The following DOT1L variants were observed in gnomAD, a reference collection of about 807,000 sequenced individuals.
The protein encoded by DOT1L is DOT1 like histone lysine methyltransferase, also known as histone-lysine N-methyltransferase, H3 lysine-79 specific.
DOT1L carries 33 observed loss-of-function variants against 153.3 expected under a neutral mutation model. The ratio of observed to expected loss-of-function variants is 0.22; its 90% CI spans 0.16 to 0.29. DOT1L has a LOEUF of 0.29. Ranked by LOEUF, DOT1L falls within the 10% of genes least tolerant of loss-of-function variation. DOT1L has a pLI of 1.00. For missense variants in DOT1L, 1,847 were observed against 2,119.9 expected (o/e 0.87, Z 2.53); for synonymous variants, 1,135 against 965.1 (o/e 1.18, Z -3.26).
chr19:2,177,616 C>T (rs1223950448), intron 1 of DOT1L, among the ~76,000 whole-genome samples: 2 of 152,112 alleles, frequency 1.3e-5, no homozygotes, highest in Non-Finnish European at 2.9e-5. Context: ...GCGCCCAGCT[C>T]GTGTTGAAGT....
At position 2,214,350 on chromosome 19, in the gene DOT1L, T is replaced by C. The variant is rs1335206544; in HGVS notation, c.1798-121T>C. The C allele has an allele frequency of 4.1e-6, 6 of 1,467,406 alleles. No individual in the cohort carries two copies. In the East Asian group the frequency reaches 1.4e-4, roughly 35 times the overall value. 90.9% of individuals were successfully genotyped at this position (1,467,406 alleles called of 1,614,324 possible). A position where few individuals can be genotyped will look rare whatever the true frequency, so the allele number is the denominator to read the frequency against. On this transcript the variant is annotated intron_variant, in intron 18 of 27. Transcript: ENST00000398665. ...TCAGCCTGCTATTCCAGAAACGGGG[T>C]CTGTGCCCTAAGCACACATGCTGTT...
intron 27 of DOT1L, chr19:2,227,864 C>T (rs1481502416): frequency 1.2e-5 from 15 of 1,280,784 alleles, no homozygotes; most frequent in Non-Finnish European, 1.5e-5. Context: ...GCGCCTCGGC[C>T]TCTTCCTTTC....
At chr19:2,182,271 G>A (rs1487430639) in intron 2 of DOT1L, among the ~76,000 whole-genome samples, 2 of 152,090 alleles carry the variant, frequency 1.3e-5, no homozygotes, top group Non-Finnish European at 2.9e-5. Context: ...AGCTGGGCAT[G>A]GTGGCTCACA....
At chr19:2,212,122 G>C in intron 16 of DOT1L, 1 of 375,698 alleles carries the variant, frequency 2.7e-6, no homozygotes, top group Non-Finnish European at 4.8e-6. Flanking sequence ...CTTCCCCCTA[G>C]TGCACAGGTC....
chr19:2,166,191 G>T (rs552065186), intron 1 of DOT1L, among the ~76,000 whole-genome samples: 4 of 151,994 alleles, frequency 2.6e-5, no homozygotes, highest in Admixed American at 2.6e-4. Context: ...CAGCCTCCCG[G>T]GTTCAAGCGA....
chr19:2,175,220 G>T (rs753798466), intron 1 of DOT1L, among the ~76,000 whole-genome samples: 2 of 151,980 alleles, frequency 1.3e-5, no homozygotes, highest in African/African-American at 2.4e-5. Context: ...GGATGGTCTC[G>T]ATCTCTTGAC....
At chr19:2,185,834 G>A (rs769958061) in intron 2 of DOT1L, 21 bp from the exon 3 acceptor site, 17 of 1,613,072 alleles carry the variant, frequency 1.1e-5, no homozygotes, top group Admixed American at 1.7e-5. Context: ...CTTCCTGATC[G>A]TTTCTGCTGC....
At chr19:2,177,243 A>T (rs1415548977) in intron 1 of DOT1L, among the ~76,000 whole-genome samples, 1 of 152,194 alleles carries the variant, frequency 6.6e-6, no homozygotes, top group East Asian at 1.9e-4. Flanking sequence ...AACATACAGG[A>T]AACGACCAGG....
At chr19:2,168,543 G>A (rs2020012584) in intron 1 of DOT1L, among the ~76,000 whole-genome samples, 1 of 152,162 alleles carries the variant, frequency 6.6e-6, no homozygotes, top group Non-Finnish European at 1.5e-5. Flanking sequence ...AAACGCAAGG[G>A]GGAGGAAGGG....
intron 1 of DOT1L, among the ~76,000 whole-genome samples, chr19:2,175,085 G>A (rs923820754): frequency 1.8e-4 from 27 of 149,948 alleles, no homozygotes; most frequent in African/African-American, 5.7e-4. Context: ...TGCAAGCCCC[G>A]CCTCCCGGGT....
chr19:2,185,831 A>T (rs2022479558), intron 2 of DOT1L, 24 bp from the exon 3 acceptor site: 1 of 1,612,830 alleles, frequency 6.2e-7, no homozygotes, highest in South Asian at 1.1e-5. Flanking sequence ...ACCCTTCCTG[A>T]TCGTTTCTGC....
In DOT1L at chr19:2,209,419, G is replaced by A. The variant is rs372965846; in HGVS notation, c.1005+443G>A. On this transcript the variant is annotated intron_variant, in intron 12 of 27. Coordinates refer to ENST00000398665, the MANE Select transcript of DOT1L (RefSeq NM_032482.3). The stretch of plus-strand genomic sequence containing the variant: ...TGGTGGTGGGGTGAGTTGCACTGAA[G>A]GGCTGGGTGGGTGAAAAGCTTGTGC... Among the ~76,000 whole-genome samples the A allele has an allele frequency of 4.6e-5, 7 of 152,372 alleles. No individual in the cohort carries two copies. In the South Asian group the frequency reaches 1.4e-3, roughly 32 times the overall value.
chr19:2,184,063 A>C (rs2022375199), intron 2 of DOT1L, among the ~76,000 whole-genome samples: 1 of 152,196 alleles, frequency 6.6e-6, no homozygotes. Context: ...TCTGTGGCGC[A>C]GAACCACGGG....
At position 2,231,651 on chromosome 19, in the gene DOT1L, C is replaced by T. The variant is rs781287651; in HGVS notation, c.*1859C>T. 9.3e-5 allele frequency: 20 copies of T among 214,368 alleles called. No homozygotes were observed. Among genetic ancestry groups the T allele is most frequent in the Non-Finnish European group, 1.6e-4 (17 of 106,318 alleles). The allele number at this position is 214,368 out of a possible 1,614,324, so 13.3% of individuals were successfully genotyped here. ...CTGTGCCTCTGCCTGAGCCCCAAGCCCCGAGCCTGGCCTTCAGGACAGGCA... is the reference window on the plus strand; with the variant it reads ...CTGTGCCTCTGCCTGAGCCCCAAGCTCCGAGCCTGGCCTTCAGGACAGGCA... On this transcript the variant is annotated 3_prime_UTR_variant, in exon 28 of 28. Coordinates refer to ENST00000398665, the MANE Select transcript of DOT1L (RefSeq NM_032482.3).
intron 2 of DOT1L, among the ~76,000 whole-genome samples, chr19:2,181,455 C>G (rs80021318): frequency 6.6e-6 from 1 of 152,230 alleles, no homozygotes; most frequent in Non-Finnish European, 1.5e-5. Flanking sequence ...CTGAGCTCCT[C>G]TTGGCCGGGT....
At chr19:2,211,034 C>G (rs2023692670) in intron 14 of DOT1L, 65 bp from the exon 15 acceptor site, 2 of 1,527,170 alleles carry the variant, frequency 1.3e-6, no homozygotes, top group East Asian at 4.5e-5. Context: ...CTGCCCCATG[C>G]TGACGCCTCT....
At chr19:2,203,108 T>A (rs1357382871) in intron 9 of DOT1L, among the ~76,000 whole-genome samples, 1 of 151,968 alleles carries the variant, frequency 6.6e-6, no homozygotes, top group Non-Finnish European at 1.5e-5. Flanking sequence ...TTATTTTATT[T>A]TATTTATTTT....
chr19:2,185,341 T>TA (rs1441155496), intron 2 of DOT1L, among the ~76,000 whole-genome samples: 2 of 152,234 alleles, frequency 1.3e-5, no homozygotes, highest in Non-Finnish European at 2.9e-5. Flanking sequence ...AGCCACGTAA[T>TA]ACCTGTGTGA....
At chr19:2,223,064 G>A (rs1307457498) in intron 24 of DOT1L, among the ~76,000 whole-genome samples, 15 of 151,922 alleles carry the variant, frequency 9.9e-5, no homozygotes, top group Middle Eastern at 3.2e-3. Flanking sequence ...GTGGTGGTGG[G>A]CACATCAGGA....
Sources: allele counts gnomAD v4.1 joint callset (sites outside exome capture counted in the v4.1 genomes callset), GRCh38; gene constraint gnomAD v4.1.1; transcripts MANE v1.5; gene names NCBI Gene and HGNC (gene_info 2026-07-23, HGNC 2026-07-21).